GRK5: variants seen among roughly 807,000 people sequenced by gnomAD.
GRK5 encodes the protein G protein-coupled receptor kinase 5, also known as g protein-coupled receptor kinase GRK5.
Under a neutral mutation model 78.4 loss-of-function variants are expected in GRK5, and 40 were observed. The observed-to-expected ratio is 0.51, with a 90% CI of 0.40 to 0.66. The LOEUF (loss-of-function observed/expected upper bound fraction) is 0.66. Among genes scored for constraint, GRK5 ranks in the 30% least tolerant of loss-of-function variants. GRK5 has a pLI of 0.00. For synonymous variants in GRK5, 289 were observed against 296.8 expected (o/e 0.97, Z 0.27); for missense variants, 598 against 759.9 (o/e 0.79, Z 2.50).
At chr10:119,237,430 T>C (rs559980131) in intron 1 of GRK5, among the ~76,000 whole-genome samples, 16 of 152,338 alleles carry the variant, frequency 1.1e-4, no homozygotes, top group East Asian at 5.8e-4. Context: ...ATAAGCACTA[T>C]GGCCAGCACA....
chr10:119,362,644 G>A (rs986657706), intron 2 of GRK5, among the ~76,000 whole-genome samples: 2 of 152,186 alleles, frequency 1.3e-5, no homozygotes, highest in African/African-American at 4.8e-5. Flanking sequence ...CTTGAGATAC[G>A]AACACGTGCT....
intron 1 of GRK5, among the ~76,000 whole-genome samples, chr10:119,216,191 A>T (rs955726020): frequency 2.0e-5 from 3 of 152,222 alleles, no homozygotes; most frequent in African/African-American, 7.2e-5. Flanking sequence ...TCAACTGGTG[A>T]CATCCTCCTA....
intron 1 of GRK5, among the ~76,000 whole-genome samples, chr10:119,270,600 C>A (rs185746117): frequency 7.7e-4 from 117 of 152,320 alleles, no homozygotes; most frequent in Middle Eastern, 3.4e-3. Context: ...GACAATTGTT[C>A]ACCTCCATGA....
intron 15 of GRK5, 136 bp downstream of exon 15, chr10:119,453,412 A>C: frequency 1.0e-6 from 1 of 985,566 alleles, no homozygotes; most frequent in South Asian, 1.6e-5. Context: ...TGGAAGGGCA[A>C]CTGATTATGT....
intron 1 of GRK5, among the ~76,000 whole-genome samples, chr10:119,308,895 G>A (rs890310722): frequency 3.9e-5 from 6 of 152,216 alleles, no homozygotes; most frequent in Admixed American, 2.6e-4. Context: ...ATGGCCTGCC[G>A]GCCCTTTTCT....
chr10:119,233,721 A>G (rs916494668), intron 1 of GRK5, among the ~76,000 whole-genome samples: 10 of 152,138 alleles, frequency 6.6e-5, no homozygotes, highest in African/African-American at 2.4e-4. Context: ...GGCCAGAGAC[A>G]TGGGGCCTGG....
chr10:119,408,495 T>C (rs1300415512), intron 4 of GRK5, among the ~76,000 whole-genome samples: 2 of 152,196 alleles, frequency 1.3e-5, no homozygotes, highest in East Asian at 3.8e-4. Context: ...GGTCTATCAC[T>C]ACACTGCAGT....
chr10:119,328,204 G>A (rs1850711918), intron 2 of GRK5, among the ~76,000 whole-genome samples: 1 of 152,202 alleles, frequency 6.6e-6, no homozygotes, highest in South Asian at 2.1e-4. Flanking sequence ...GTGCACCCTT[G>A]ATGATCAGCT....
Position 119,379,030 on chromosome 10 carries a change from C to T in GRK5, c.149-1785C>T, listed in dbSNP as rs1289365094. Among the ~76,000 whole-genome samples the T allele has an allele frequency of 6.6e-6, 1 of 152,214 alleles. No homozygotes were observed. Among genetic ancestry groups the T allele is most frequent in the Non-Finnish European group, 1.5e-5 (1 of 68,040 alleles). ...CCTGTCTCCGTAGCATGGGAGGCGT[C>T]AGCTCCCCTTTTAGATTCAGAGGCT... On this transcript the variant is annotated intron_variant, in intron 2 of 15. Coordinates refer to ENST00000392870, the MANE Select transcript of GRK5 (RefSeq NM_005308.3). This position sits in a 1 kb window ranked among gnomAD's most constrained non-coding sequence, Gnocchi z 4.1.
chr10:119,291,938 CCT>C (rs1475937827), intron 1 of GRK5, among the ~76,000 whole-genome samples: 4 of 150,518 alleles, frequency 2.7e-5, no homozygotes, highest in African/African-American at 4.9e-5. Context: ...TTCTTTTCCT[CCT>C]CTTTTTCCTC....
chr10:119,303,409 C>A (rs962377830), intron 1 of GRK5, among the ~76,000 whole-genome samples: 1 of 151,960 alleles, frequency 6.6e-6, no homozygotes, highest in Non-Finnish European at 1.5e-5. Flanking sequence ...TAGTTGAGAC[C>A]TAGTTGTCAG....
intron 3 of GRK5, among the ~76,000 whole-genome samples, chr10:119,394,146 A>ACGTGGGTGTGTGGGTGTGTGTGGGTATC (rs1851940765): frequency 4.9e-5 from 2 of 40,446 alleles, no homozygotes; most frequent in Admixed American, 3.6e-4. Context: ...ATCTGTGGGT[A>ACGTGGGTGTGTGGGTGTGTGTGGGTATC]TGTGTGTCTG....
chr10:119,430,897 G>A lies in GRK5; in HGVS notation c.597+459G>A, dbSNP rs1852804159. 6.6e-6 allele frequency among the ~76,000 whole-genome samples: 1 copy of A among 152,218 alleles called. No homozygotes were observed. The highest frequency in any genetic ancestry group is 3.2e-3 in the Middle Eastern group (1 of 316). ...TAGAGATGAGGAAAGCTGAGGTCCAGAATGGTTAGGTGACCCAGCCAAGGG... is the reference window on the plus strand; with the variant it reads ...TAGAGATGAGGAAAGCTGAGGTCCAAAATGGTTAGGTGACCCAGCCAAGGG... On this transcript the variant is annotated intron_variant, in intron 7 of 15. Transcript: ENST00000392870. The surrounding 1 kb of genome is among the most constrained non-coding windows in gnomAD (Gnocchi z 4.5).
At chr10:119,321,748 C>T (rs968240153) in intron 1 of GRK5, among the ~76,000 whole-genome samples, 2 of 152,146 alleles carry the variant, frequency 1.3e-5, no homozygotes, top group African/African-American at 4.8e-5. Context: ...AGTCCCCCTG[C>T]CCTATTCTGG....
intron 1 of GRK5, among the ~76,000 whole-genome samples, chr10:119,272,959 C>G (rs1849609300): frequency 6.6e-6 from 1 of 152,188 alleles, no homozygotes; most frequent in African/African-American, 2.4e-5. Flanking sequence ...GCTGGCTAGC[C>G]CCTTGGCAGG....
intron 12 of GRK5, among the ~76,000 whole-genome samples, chr10:119,447,487 C>G (rs985931317): frequency 6.6e-6 from 1 of 152,202 alleles, no homozygotes; most frequent in African/African-American, 2.4e-5. Flanking sequence ...GTTCCCTCTA[C>G]CTGTATACCC....
intron 2 of GRK5, among the ~76,000 whole-genome samples, chr10:119,370,856 A>G (rs1851534641): frequency 6.6e-6 from 1 of 151,156 alleles, no homozygotes; most frequent in South Asian, 2.1e-4. Context: ...CTTCTCTGCC[A>G]CAGCCCCCCG....
chr10:119,293,698 A>G (rs1392510852), intron 1 of GRK5, among the ~76,000 whole-genome samples: 1 of 137,168 alleles, frequency 7.3e-6, no homozygotes, highest in Non-Finnish European at 1.6e-5. Flanking sequence ...TCTAGGAGGG[A>G]GTGGATGATG....
chr10:119,363,292 A>AC lies in GRK5; in HGVS notation c.149-17523_149-17522insC, dbSNP rs1247616726. On this transcript the variant is annotated intron_variant, in intron 2 of 15. Coordinates refer to ENST00000392870, the MANE Select transcript of GRK5 (RefSeq NM_005308.3). ...GTGAAACTGTCTCAAAAAAAAAAAA[A>AC]AACAACAAACAGTAGTTTCTGAGGA... Among the ~76,000 whole-genome samples the AC allele has an allele frequency of 2.2e-3, 335 of 151,834 alleles. 2 individuals are homozygous for AC. The highest frequency in any genetic ancestry group is 0.01 in the Middle Eastern group (3 of 292).
Sources: allele counts gnomAD v4.1 joint callset (sites outside exome capture counted in the v4.1 genomes callset), GRCh38; gene constraint gnomAD v4.1.1; non-coding constraint Gnocchi (gnomAD v3.1); transcripts MANE v1.5; gene names NCBI Gene and HGNC (gene_info 2026-07-23, HGNC 2026-07-21).